Variants in DIP2C observed in about 807,000 individuals in gnomAD.
DIP2C encodes DIP2 acetate--CoA ligase C (putative), also known as disco-interacting protein 2 homolog C.
A neutral mutation model predicts 192.4 loss-of-function variants in DIP2C; 33 were observed. The observed-to-expected ratio is 0.17, with a 90% CI of 0.13 to 0.23. The LOEUF is 0.23. Among genes scored for constraint, DIP2C ranks in the 10% least tolerant of loss-of-function variants. The pLI, the probability that DIP2C is intolerant of heterozygous loss-of-function variation, is 1.00. For missense variants in DIP2C, 1,537 were observed against 2,110.1 expected (o/e 0.73, Z 5.32); for synonymous variants, 979 against 864.1 (o/e 1.13, Z -2.33).
In DIP2C at chr10:329,572, A is replaced by G; in HGVS notation, c.3614T>C (p.Ile1205Thr). Residue 1205 changes from isoleucine to threonine, a missense_variant, in exon 30 of 37, where the codon ATC becomes ACC. Coordinates refer to ENST00000280886, the MANE Select transcript of DIP2C (RefSeq NM_014974.3). ...GTTGGTTTCCAGCTCAGAGGGCGGGATCAGGATGGACTGGTGCCCAGAATA... is the reference window on the plus strand; with the variant it reads ...GTTGGTTTCCAGCTCAGAGGGCGGGGTCAGGATGGACTGGTGCCCAGAATA... Reference protein sequence around the residue: ...SVYSGHQSILIPPSELETNPA... With the variant: ...SVYSGHQSILTPPSELETNPA... The G allele has an allele frequency of 6.2e-7, 1 of 1,614,200 alleles. No individual in the cohort carries two copies. Among genetic ancestry groups the G allele is most frequent in the South Asian group, 1.1e-5 (1 of 91,074 alleles).
At position 413,893 on chromosome 10, in the gene DIP2C, A is replaced by T. The variant is rs200060810; in HGVS notation, c.1057+20T>A. 2.9e-5 allele frequency: 47 copies of T among 1,609,212 alleles called. No individual in the cohort carries two copies. The African/African-American group carries it at 5.2e-4, about 18-fold the overall frequency. Reference sequence around the variant, plus strand: ...GTGCGAGGGGGTGGGCAAAGGGCAGAGAGTGAGCCTGGGGATTACCGTAAG... The same window carrying T: ...GTGCGAGGGGGTGGGCAAAGGGCAGTGAGTGAGCCTGGGGATTACCGTAAG... On this transcript the variant is annotated intron_variant, in intron 8 of 36. Transcript: ENST00000280886.
At chr10:292,829 A>G (rs887068030) in intron 32 of DIP2C, among the ~76,000 whole-genome samples, 1 of 152,088 alleles carries the variant, frequency 6.6e-6, no homozygotes, top group African/African-American at 2.4e-5. Context: ...TCTTCCTCCA[A>G]CTGAGATTCT....
intron 1 of DIP2C, among the ~76,000 whole-genome samples, chr10:557,026 T>TC (rs1848915949): frequency 6.6e-6 from 1 of 152,184 alleles, no homozygotes; most frequent in South Asian, 2.1e-4. Context: ...CCCTCGATGG[T>TC]CCCACACGGC....
At position 422,814 on chromosome 10, in the gene DIP2C, G is replaced by A; in HGVS notation, c.604+10C>T. The A allele has an allele frequency of 6.2e-7, 1 of 1,607,812 alleles. No individual in the cohort carries two copies. Among genetic ancestry groups the A allele is most frequent in the Non-Finnish European group, 8.5e-7 (1 of 1,178,430 alleles). On this transcript the variant is annotated intron_variant, in intron 5 of 36. Transcript: ENST00000280886. ...AACAGGCACAGAAAGACACCGTGAAGCGTGCTCACCTATGTGGGTCTGAGC... is the reference window on the plus strand; with the variant it reads ...AACAGGCACAGAAAGACACCGTGAAACGTGCTCACCTATGTGGGTCTGAGC...
At chr10:523,519 T>TCCAC (rs1846858552) in intron 1 of DIP2C, among the ~76,000 whole-genome samples, 1 of 141,856 alleles carries the variant, frequency 7.0e-6, no homozygotes, top group African/African-American at 2.7e-5. Flanking sequence ...CACACTCGTT[T>TCCAC]CTACCTGAGC....
At chr10:538,418 G>A (rs1847809702) in intron 1 of DIP2C, among the ~76,000 whole-genome samples, 1 of 152,192 alleles carries the variant, frequency 6.6e-6, no homozygotes, top group Admixed American at 6.5e-5. Flanking sequence ...GCCTTCCAAA[G>A]CCCTAGAACT....
intron 32 of DIP2C, among the ~76,000 whole-genome samples, chr10:288,806 G>A (rs964844431): frequency 3.9e-5 from 6 of 152,318 alleles, no homozygotes; most frequent in South Asian, 2.1e-4. Flanking sequence ...GCTGTCCTGC[G>A]GGTGGAAGGC....
intron 1 of DIP2C, among the ~76,000 whole-genome samples, chr10:655,012 A>G (rs1215918357): frequency 6.6e-6 from 1 of 152,192 alleles, no homozygotes; most frequent in African/African-American, 2.4e-5. Context: ...GGTCCCAGAC[A>G]GCCTCCAGCC....
intron 28 of DIP2C, among the ~76,000 whole-genome samples, chr10:342,410 G>A (rs561272960): frequency 3.3e-5 from 5 of 152,088 alleles, no homozygotes; most frequent in African/African-American, 7.2e-5. Flanking sequence ...CACCCGCCTC[G>A]GCCTCCCAAA....
intron 1 of DIP2C, among the ~76,000 whole-genome samples, chr10:507,502 G>A (rs1325904877): frequency 6.6e-6 from 1 of 150,586 alleles, no homozygotes; most frequent in Admixed American, 6.6e-5. Context: ...TCAGAGGTGT[G>A]TGAGGTTAGG....
intron 1 of DIP2C, among the ~76,000 whole-genome samples, chr10:643,470 C>T (rs1014090724): frequency 6.6e-6 from 1 of 152,028 alleles, no homozygotes; most frequent in African/African-American, 2.4e-5. Flanking sequence ...ACTGAGATCG[C>T]ACCACTGCAC....
intron 19 of DIP2C, 35 bp downstream of exon 19, chr10:366,240 A>G: frequency 1.2e-6 from 2 of 1,607,422 alleles, no homozygotes; most frequent in Middle Eastern, 1.7e-4. Context: ...ACGGAGCCAC[A>G]GATGGTGCCC....
At chr10:297,268 A>ACACACACACC (rs1955805913) in intron 32 of DIP2C, among the ~76,000 whole-genome samples, 1 of 144,402 alleles carries the variant, frequency 6.9e-6, no homozygotes. Flanking sequence ...ACACACACAC[A>ACACACACACC]CACACACCAA....
intron 32 of DIP2C, among the ~76,000 whole-genome samples, chr10:293,752 CA>C (rs1252074538): frequency 1.3e-5 from 2 of 152,186 alleles, no homozygotes; most frequent in Admixed American, 1.3e-4. Flanking sequence ...AAATAACAGG[CA>C]TCATGTTCAC....
intron 15 of DIP2C, 23 bp downstream of exon 15, chr10:384,523 C>T: frequency 6.2e-7 from 1 of 1,610,702 alleles, no homozygotes; most frequent in Non-Finnish European, 8.5e-7. Flanking sequence ...CAGGTGTGAG[C>T]CACTGCGCCC....
chr10:575,113 A>G lies in DIP2C; in HGVS notation c.86-88583T>C, dbSNP rs79602503. ...AGGAACTAAAGGCTCACTACAGCTAATATCACAACGTTCTCAACTTTACCT... is the reference window on the plus strand; with the variant it reads ...AGGAACTAAAGGCTCACTACAGCTAGTATCACAACGTTCTCAACTTTACCT... On this transcript the variant is annotated intron_variant, in intron 1 of 36. Transcript: ENST00000280886. Among the ~76,000 whole-genome samples the G allele has an allele frequency of 1.3e-3, 200 of 152,296 alleles. 3 individuals carry two copies. The East Asian group carries it at 0.035, about 26-fold the overall frequency.
chr10:361,193 G>A (rs1379059994), intron 22 of DIP2C, among the ~76,000 whole-genome samples: 1 of 152,194 alleles, frequency 6.6e-6, no homozygotes, highest in Non-Finnish European at 1.5e-5. Context: ...TTTCTTTCAA[G>A]TTATCAATCA....
At chr10:424,988 GGAT>G (rs1966483055) in intron 4 of DIP2C, among the ~76,000 whole-genome samples, 1 of 141,436 alleles carries the variant, frequency 7.1e-6, no homozygotes, top group African/African-American at 2.6e-5. Flanking sequence ...AATACGACAC[GGAT>G]GATACAGCAT....
chr10:538,813 G>A (rs773394513), intron 1 of DIP2C, among the ~76,000 whole-genome samples: 6 of 152,186 alleles, frequency 3.9e-5, no homozygotes, highest in African/African-American at 1.4e-4. Flanking sequence ...CAAAAAAATT[G>A]TAAGCACTGG....
Sources: allele counts gnomAD v4.1 joint callset (sites outside exome capture counted in the v4.1 genomes callset), GRCh38; gene constraint gnomAD v4.1.1; transcripts MANE v1.5; gene names NCBI Gene and HGNC (gene_info 2026-07-23, HGNC 2026-07-21).